PDE1C: variants seen among roughly 807,000 people sequenced by gnomAD.
PDE1C encodes the protein dual specificity calcium/calmodulin-dependent 3',5'-cyclic nucleotide phosphodiesterase 1C.
A neutral mutation model predicts 93.1 loss-of-function variants in PDE1C; 62 were observed. That is an observed-to-expected ratio of 0.67 (90% CI 0.54 to 0.82). The LOEUF (loss-of-function observed/expected upper bound fraction) is 0.82, where lower values mean the gene tolerates loss of function less well. PDE1C is among the 40% of genes least tolerant of loss of function. The probability of loss-of-function intolerance (pLI) is 0.00; values close to 1 mark genes in which losing one functional copy is unlikely to be tolerated. For missense variants in PDE1C, 742 were observed against 884.6 expected (o/e 0.84, Z 2.04); for synonymous variants, 325 against 310.1 (o/e 1.05, Z -0.50).
At chr7:31,641,252 T>C in the PDE1C span, among the ~76,000 whole-genome samples, 61 of 152,324 alleles carry the variant, frequency 4.0e-4, no homozygotes, top group South Asian at 5.0e-3. Flanking sequence ...AAATCCCCTA[T>C]TTATCACTTA....
intron 2 of PDE1C, among the ~76,000 whole-genome samples, chr7:31,947,159 G>A (rs185111052): frequency 2.6e-5 from 4 of 152,056 alleles, no homozygotes; most frequent in Non-Finnish European, 5.9e-5. Flanking sequence ...TAATGGAGCC[G>A]TGTTGGTGTG....
At chr7:32,076,092 C>T (rs547850744), upstream of PDE1C, among the ~76,000 whole-genome samples, 91 of 152,220 alleles carry the variant, frequency 6.0e-4, no homozygotes, top group African/African-American at 1.7e-3. Flanking sequence ...AGTCTGCCCC[C>T]GCAGGCCAGA....
intron 2 of PDE1C, among the ~76,000 whole-genome samples, chr7:31,965,378 T>A (rs934159706): frequency 6.6e-6 from 1 of 152,028 alleles, no homozygotes; most frequent in Non-Finnish European, 1.5e-5. Context: ...ACGAAATGAA[T>A]GAAATGTAGT....
At chr7:31,721,518 T>G in the PDE1C span, among the ~76,000 whole-genome samples, 4 of 152,154 alleles carry the variant, frequency 2.6e-5, no homozygotes, top group African/African-American at 9.7e-5. Context: ...ATTAAGACAC[T>G]AATTTGGGAG....
At chr7:31,711,897 T>C in the PDE1C span, among the ~76,000 whole-genome samples, 2 of 152,138 alleles carry the variant, frequency 1.3e-5, no homozygotes, top group Non-Finnish European at 2.9e-5. Flanking sequence ...TGCTTTGGAT[T>C]CCAGTGACAC....
chr7:32,164,156 G>C (rs1167243314), intron 3 of PDE1C, among the ~76,000 whole-genome samples: 1 of 152,154 alleles, frequency 6.6e-6, no homozygotes, highest in African/African-American at 2.4e-5. Flanking sequence ...AGATTCACAG[G>C]CTGCACCCCA....
At chr7:31,971,014 T>A (rs1449822609) in intron 2 of PDE1C, among the ~76,000 whole-genome samples, 2 of 152,146 alleles carry the variant, frequency 1.3e-5, no homozygotes, top group African/African-American at 2.4e-5. Context: ...TGGTAGCACA[T>A]GCCTGTAATC....
chr7:32,070,398 G>C lies in PDE1C; in HGVS notation c.-5C>G. On this transcript the variant is annotated 5_prime_UTR_variant, in exon 1 of 18. Coordinates refer to ENST00000396191, the MANE Select transcript of PDE1C (RefSeq NM_001191057.4). ...CTCCTTGGTTGGCGACTCCATAGCT[G>C]CAGGTAGGTGACCACTGGCGGTGAA... 6.2e-7 allele frequency: 1 copy of C among 1,614,112 alleles called. No individual in the cohort carries two copies.
At chr7:31,686,226 A>C in the PDE1C span, among the ~76,000 whole-genome samples, 1 of 152,068 alleles carries the variant, frequency 6.6e-6, no homozygotes, top group Admixed American at 6.5e-5. Flanking sequence ...GGGTCCTGAT[A>C]CCTACCTGAT....
chr7:32,001,055 GA>G (rs553937672), intron 2 of PDE1C, among the ~76,000 whole-genome samples: 1 of 151,744 alleles, frequency 6.6e-6, no homozygotes, highest in Non-Finnish European at 1.5e-5. Flanking sequence ...AACACCAAGT[GA>G]AAAAACAAGG....
intron 16 of PDE1C, chr7:31,786,957 C>CT (rs1280610609): frequency 1.8e-4 from 20 of 108,466 alleles, no homozygotes; most frequent in African/African-American, 4.6e-4. Context: ...ATCTATCTAT[C>CT]ATCTATCTAT....
chr7:32,087,907 C>T (rs1055898069), intron 3 of PDE1C, among the ~76,000 whole-genome samples: 23 of 151,114 alleles, frequency 1.5e-4, no homozygotes, highest in African/African-American at 3.4e-4. Flanking sequence ...TGCTAAATGA[C>T]GAGTTAATGG....
chr7:32,121,427 G>A (rs753473710), intron 3 of PDE1C, among the ~76,000 whole-genome samples: 5 of 151,190 alleles, frequency 3.3e-5, no homozygotes, highest in Non-Finnish European at 7.4e-5. Context: ...ACACATAATC[G>A]TCAGATTCTC....
intron 2 of PDE1C, among the ~76,000 whole-genome samples, chr7:31,927,235 C>A (rs1014994856): frequency 2.0e-5 from 3 of 152,338 alleles, no homozygotes; most frequent in African/African-American, 7.2e-5. Flanking sequence ...TGGGGCTGGA[C>A]TGCCTCTCTA....
intron 2 of PDE1C, among the ~76,000 whole-genome samples, chr7:32,171,765 C>G (rs1238354483): frequency 6.7e-6 from 1 of 150,330 alleles, no homozygotes; most frequent in African/African-American, 2.5e-5. Flanking sequence ...GCACTTGAAC[C>G]TCTGTGCATT....
intron 2 of PDE1C, among the ~76,000 whole-genome samples, chr7:31,937,297 G>T (rs1805218412): frequency 6.6e-6 from 1 of 152,154 alleles, no homozygotes; most frequent in Non-Finnish European, 1.5e-5. Flanking sequence ...ATATGTCAAA[G>T]AAATATATTG....
At chr7:32,215,587 T>G (rs1194492015) in intron 1 of PDE1C, among the ~76,000 whole-genome samples, 1 of 152,136 alleles carries the variant, frequency 6.6e-6, no homozygotes, top group Admixed American at 6.5e-5. Flanking sequence ...GGAAGATAAC[T>G]TGGAGCAATG....
the PDE1C span, among the ~76,000 whole-genome samples, chr7:31,736,301 G>T: frequency 6.6e-6 from 1 of 152,164 alleles, no homozygotes; most frequent in Non-Finnish European, 1.5e-5. Context: ...ACTGGCTGTG[G>T]GCTTGATTTT....
At chr7:31,781,766 T>G (rs979859683) in intron 16 of PDE1C, among the ~76,000 whole-genome samples, 3 of 145,216 alleles carry the variant, frequency 2.1e-5, no homozygotes, top group Non-Finnish European at 3.0e-5. Flanking sequence ...ATTCAGAGTA[T>G]TTAATGCTTT....
Sources: gnomAD v4.1 joint callset for allele counts (sites outside exome capture counted in the v4.1 genomes callset) on GRCh38, gnomAD v4.1.1 for gene constraint, MANE v1.5 for transcripts, NCBI Gene and HGNC (gene_info 2026-07-23, HGNC 2026-07-21) for gene names.